Variants in LSM14A observed in about 807,000 individuals in gnomAD.
LSM14A encodes LSM14A mRNA processing body assembly factor, also known as protein LSM14 homolog A.
A neutral mutation model predicts 52.4 loss-of-function variants in LSM14A; 14 were observed. The observed-to-expected ratio is 0.27, with a 90% CI of 0.18 to 0.42. LSM14A has a LOEUF of 0.42. LSM14A is among the 10% of genes least tolerant of loss of function. The pLI, the probability that LSM14A is intolerant of heterozygous loss-of-function variation, is 1.00. For missense variants in LSM14A, 417 were observed against 581.8 expected, an observed-to-expected ratio of 0.72 and a Z score of 2.91; for synonymous variants, 185 against 200.3, an observed-to-expected ratio of 0.92 and a Z score of 0.64.
In LSM14A at chr19:34,221,596, ACAGAGG is replaced by A; in HGVS notation, c.1233_1238del (p.Arg412_Gly413del). ...CGTCCAAACCGTGGCCGTGGGGGAT[ACAGAGG>A]CAGAGGAGGTCTTGGTTTCCGTGGT... On this transcript the variant is annotated inframe_deletion, in exon 9 of 10. Coordinates refer to ENST00000544216, the MANE Select transcript of LSM14A (RefSeq NM_015578.4). 6.2e-7 allele frequency: 1 copy of A among 1,614,200 alleles called. No individual in the cohort carries two copies.
In LSM14A at chr19:34,196,782, T is replaced by C. The variant is rs1267394627; in HGVS notation, c.415+19T>C. 1 of 1,583,316 alleles carries C rather than the reference T, an allele frequency of 6.3e-7. No individual in the cohort carries two copies. Reference sequence around the variant, plus strand: ...GGTGTTGGTATGTTTTCTTTTTCTTTTCTTTTTTTGTTTTTGTATTCTTCC... The same window carrying C: ...GGTGTTGGTATGTTTTCTTTTTCTTCTCTTTTTTTGTTTTTGTATTCTTCC... On this transcript the variant is annotated intron_variant, in intron 3 of 9. Transcript: ENST00000544216.
intron 1 of LSM14A, among the ~76,000 whole-genome samples, chr19:34,174,317 G>A (rs868656550): frequency 6.6e-6 from 1 of 152,190 alleles, no homozygotes; most frequent in Non-Finnish European, 1.5e-5. Flanking sequence ...ACCTTTTGAT[G>A]TTACAGAACT....
intron 6 of LSM14A, among the ~76,000 whole-genome samples, chr19:34,218,346 C>T (rs1032426451): frequency 6.6e-6 from 1 of 152,130 alleles, no homozygotes; most frequent in African/African-American, 2.4e-5. Flanking sequence ...TGGTGTAATT[C>T]TGGCTTGTGG....
intron 3 of LSM14A, among the ~76,000 whole-genome samples, chr19:34,205,169 A>G (rs2071593135): frequency 6.6e-6 from 1 of 151,942 alleles, no homozygotes; most frequent in African/African-American, 2.4e-5. Flanking sequence ...TTTTAAAATC[A>G]GTGCTTTAAG....
chr19:34,203,111 G>C (rs2071419562), intron 3 of LSM14A, among the ~76,000 whole-genome samples: 1 of 151,516 alleles, frequency 6.6e-6, no homozygotes, highest in South Asian at 2.1e-4. Context: ...ACAGTAGCAA[G>C]AGCTTACTGC....
At chr19:34,218,503 T>C (rs1257017323) in intron 6 of LSM14A, among the ~76,000 whole-genome samples, 1 of 152,226 alleles carries the variant, frequency 6.6e-6, no homozygotes, top group Non-Finnish European at 1.5e-5. Flanking sequence ...CAAACCTATC[T>C]TGTTACCCTG....
chr19:34,185,239 G>C (rs539285097), intron 1 of LSM14A, among the ~76,000 whole-genome samples: 2 of 152,328 alleles, frequency 1.3e-5, no homozygotes, highest in East Asian at 3.9e-4. Context: ...GGAAGTGGAG[G>C]TAGTTTTTTG....
intron 8 of LSM14A, among the ~76,000 whole-genome samples, chr19:34,220,346 C>A (rs930893860): frequency 6.6e-6 from 1 of 152,156 alleles, no homozygotes; most frequent in Admixed American, 6.5e-5. Flanking sequence ...TAACCATATA[C>A]TTTTGTTTAA....
intron 3 of LSM14A, among the ~76,000 whole-genome samples, chr19:34,199,598 A>T (rs183803553): frequency 1.5e-3 from 231 of 152,286 alleles, no homozygotes; most frequent in African/African-American, 5.2e-3. Context: ...TGGTATGTGT[A>T]TGGACTCATT....
intron 4 of LSM14A, among the ~76,000 whole-genome samples, chr19:34,209,401 T>G (rs60895485): frequency 3.9e-5 from 6 of 152,326 alleles, no homozygotes; most frequent in African/African-American, 1.4e-4. Context: ...AAATATCATC[T>G]GAAAAAAACT....
chr19:34,174,335 A>G (rs1257927522), intron 1 of LSM14A, among the ~76,000 whole-genome samples: 4 of 152,254 alleles, frequency 2.6e-5, no homozygotes, highest in African/African-American at 7.2e-5. Context: ...ACTGTACACC[A>G]TAAAGGAGTA....
Position 34,215,191 on chromosome 19 carries a change from C to G in LSM14A, c.606C>G (p.Ala202=), listed in dbSNP as rs1474041438. 1.2e-6 allele frequency: 2 copies of G among 1,614,040 alleles called. No homozygotes were observed. The highest frequency in any genetic ancestry group is 2.7e-5 in the African/African-American group (2 of 74,912). ...CCATGGAACAAGCAGTGCAGACCGC[C>G]TCAGCCCACTTACCTGCTCCAGCAG... ...SPTMEQAVQT[A]SAHLPAPAAV... The change falls in exon 5 of 10, where the codon GCC becomes GCG. Residue 202 remains alanine, a synonymous_variant. Transcript: ENST00000544216.
At chr19:34,180,149 G>T (rs1305371675) in intron 1 of LSM14A, among the ~76,000 whole-genome samples, 1 of 152,148 alleles carries the variant, frequency 6.6e-6, no homozygotes, top group Non-Finnish European at 1.5e-5. Context: ...TAACTCCTGG[G>T]CTCAAGTGAT....
rs372002807 is a variant in LSM14A, at chr19:34,215,503, GT to G, written c.716-87del. On this transcript the variant is annotated intron_variant, in intron 5 of 9. Coordinates refer to ENST00000544216, the MANE Select transcript of LSM14A (RefSeq NM_015578.4). ...GGGCATTGCACAGGCTTTGTTTTGG[GT>G]TTTTTGGTTTGTTTGTTTGCATTTC... 1.9e-3 allele frequency: 2,330 copies of G among 1,239,450 alleles called. 56 individuals carry two copies. In the South Asian group the frequency reaches 0.028, roughly 15 times the overall value. The allele number at this position is 1,239,450 out of a possible 1,614,324, so 76.8% of individuals were successfully genotyped here. A position where few individuals can be genotyped will look rare whatever the true frequency, so the allele number is the denominator to read the frequency against.
chr19:34,192,278 G>GT (rs1226914359), intron 1 of LSM14A, among the ~76,000 whole-genome samples: 1 of 143,932 alleles, frequency 6.9e-6, no homozygotes, highest in Admixed American at 7.0e-5. Context: ...TAGAATAAGA[G>GT]TGTAGGACAT....
In LSM14A at chr19:34,194,465, G is replaced by C. The variant is rs2070702747; in HGVS notation, c.122-13G>C. 6.2e-7 allele frequency: 1 copy of C among 1,613,262 alleles called. No individual in the cohort carries two copies. The highest frequency in any genetic ancestry group is 2.2e-5 in the East Asian group (1 of 44,874). On this transcript the variant is annotated splice_polypyrimidine_tract_variant and intron_variant, in intron 1 of 9. Transcript: ENST00000544216. Reference sequence around the variant, plus strand: ...AGTAGTCACACATCTCATATCCTTTGTTTTCTTGCCAGTTCGATCCTTTGG... The same window carrying C: ...AGTAGTCACACATCTCATATCCTTTCTTTTCTTGCCAGTTCGATCCTTTGG...
chr19:34,209,172 A>T, intron 4 of LSM14A, 121 bp downstream of exon 4: 1 of 806,632 alleles, frequency 1.2e-6, no homozygotes. Flanking sequence ...TGGCTCTTTT[A>T]AAATTTTTCT....
At chr19:34,190,210 A>G (rs533740396) in intron 1 of LSM14A, among the ~76,000 whole-genome samples, 2 of 152,110 alleles carry the variant, frequency 1.3e-5, no homozygotes, top group Non-Finnish European at 1.5e-5. Flanking sequence ...GTGCCCTTCT[A>G]ATCTCTCTTG....
At position 34,215,273 on chromosome 19, in the gene LSM14A, G is replaced by T. The variant is rs1227147117; in HGVS notation, c.688G>T (p.Ala230Ser). The change falls in exon 5 of 10, where the codon GCA (alanine) becomes TCA (serine). Residue 230 changes from alanine to serine, a missense_variant. Ala to Ser is a moderately conservative substitution (Grantham distance 99). This residue lies in a region of LSM14A where 357 missense variants were observed against 457.0 expected (regional missense o/e 0.78). Transcript: ENST00000544216. Reference sequence around the variant, plus strand: ...GCCTTTGCCATCTGCCAGCCAAAAGGCAGGAGAGAATCAGGAGCACAGGCG... The same window carrying T: ...GCCTTTGCCATCTGCCAGCCAAAAGTCAGGAGAGAATCAGGAGCACAGGCG... ...TRPLPSASQK[A>S]GENQEHRRAE... 1 of 1,613,518 alleles carries T rather than the reference G, an allele frequency of 6.2e-7. No individual in the cohort carries two copies. Among genetic ancestry groups the T allele is most frequent in the Non-Finnish European group, 8.5e-7 (1 of 1,179,828 alleles).
Sources: gnomAD v4.1 joint callset for allele counts (sites outside exome capture counted in the v4.1 genomes callset) on GRCh38, gnomAD v4.1.1 for gene constraint, gnomAD v4.1.1 regional missense constraint, MANE v1.5 for transcripts, NCBI Gene and HGNC (gene_info 2026-07-23, HGNC 2026-07-21) for gene names.